The following MET variants were observed in gnomAD, a reference collection of about 807,000 sequenced individuals.
MET encodes the protein MET proto-oncogene, receptor tyrosine kinase, also known as hepatocyte growth factor receptor.
In MET, 48 loss-of-function variants were observed where a neutral mutation model predicts 133.1. The ratio of observed to expected loss-of-function variants is 0.36; its 90% CI spans 0.29 to 0.46. MET has a LOEUF of 0.46. MET is among the 20% of genes least tolerant of loss of function. The pLI, the probability that MET is intolerant of heterozygous loss-of-function variation, is 1.00. For synonymous variants in MET, 628 were observed against 616.5 expected (o/e 1.02, Z -0.28); for missense variants, 1,442 against 1,695.9 (o/e 0.85, Z 2.63).
At chr7:116,732,392 C>T (rs1793047521) in intron 3 of MET, among the ~76,000 whole-genome samples, 1 of 152,074 alleles carries the variant, frequency 6.6e-6, no homozygotes, top group Admixed American at 6.6e-5. Context: ...AAAAAAAATC[C>T]AGATTTTATT....
At chr7:116,730,671 G>A (rs552059644) in intron 2 of MET, among the ~76,000 whole-genome samples, 1 of 152,142 alleles carries the variant, frequency 6.6e-6, no homozygotes, top group Non-Finnish European at 1.5e-5. Context: ...CTGTATATGG[G>A]GGCGGAGGGA....
At chr7:116,761,461 G>T (rs1794395532) in intron 10 of MET, among the ~76,000 whole-genome samples, 1 of 151,928 alleles carries the variant, frequency 6.6e-6, no homozygotes, top group Non-Finnish European at 1.5e-5. Flanking sequence ...ATGATGAATT[G>T]AACCCATTTA....
chr7:116,676,996 T>TG (rs998700394), intron 1 of MET, among the ~76,000 whole-genome samples: 82 of 151,764 alleles, frequency 5.4e-4, no homozygotes, highest in African/African-American at 1.7e-3. Flanking sequence ...TTGTTTTTTT[T>TG]TTTGTTTTTT....
intron 1 of MET, among the ~76,000 whole-genome samples, chr7:116,679,228 G>T (rs777188029): frequency 5.3e-5 from 8 of 152,054 alleles, no homozygotes; most frequent in Non-Finnish European, 7.4e-5. Context: ...TCTTTCTTCT[G>T]CCCAGAAACT....
intron 19 of MET, among the ~76,000 whole-genome samples, chr7:116,791,702 T>C (rs1157886665): frequency 6.6e-6 from 1 of 152,224 alleles, no homozygotes; most frequent in Non-Finnish European, 1.5e-5. Context: ...TCTCACTCTG[T>C]CACCCAGCCT....
intron 2 of MET, among the ~76,000 whole-genome samples, chr7:116,721,869 T>C (rs1296586686): frequency 6.6e-6 from 1 of 152,242 alleles, no homozygotes; most frequent in Non-Finnish European, 1.5e-5. Context: ...ATAATCTCTG[T>C]TCTCTTACAT....
intron 7 of MET, 38 bp from the exon 8 acceptor site, chr7:116,757,600 G>T (rs1455734334): frequency 6.2e-7 from 1 of 1,613,492 alleles, no homozygotes; most frequent in Non-Finnish European, 8.5e-7. Context: ...ATTATAAGAT[G>T]AACAAGTTAC....
chr7:116,727,077 G>A (rs908639492), intron 2 of MET, among the ~76,000 whole-genome samples: 4 of 152,200 alleles, frequency 2.6e-5, no homozygotes, highest in African/African-American at 9.6e-5. Context: ...AGGTAGCAAG[G>A]AGAGCTAGGT....
At chr7:116,770,347 C>T (rs1185942285) in intron 12 of MET, among the ~76,000 whole-genome samples, 1 of 152,084 alleles carries the variant, frequency 6.6e-6, no homozygotes, top group Non-Finnish European at 1.5e-5. Flanking sequence ...ATGCAATTCA[C>T]CCATTGAAAG....
At chr7:116,778,989 A>C (rs373030124) in intron 17 of MET, 32 bp downstream of exon 17, 1 of 1,609,686 alleles carries the variant, frequency 6.2e-7, no homozygotes, top group African/African-American at 1.3e-5. Flanking sequence ...CTAACTGGCA[A>C]ACTAGCTGTA....
chr7:116,728,506 TC>T (rs1480558829), intron 2 of MET, among the ~76,000 whole-genome samples: 2 of 152,200 alleles, frequency 1.3e-5, no homozygotes, highest in East Asian at 3.9e-4. Flanking sequence ...TGTATTGCTC[TC>T]CCTCCATTTA....
intron 15 of MET, among the ~76,000 whole-genome samples, chr7:116,776,792 A>G (rs1269391733): frequency 6.6e-6 from 1 of 152,214 alleles, no homozygotes; most frequent in Non-Finnish European, 1.5e-5. Flanking sequence ...TTAAAGCCAG[A>G]GAGAACTGGA....
intron 5 of MET, 199 bp downstream of exon 5, chr7:116,741,224 G>A (rs985225244): frequency 1.1e-5 from 7 of 634,206 alleles, no homozygotes; most frequent in Non-Finnish European, 1.9e-5. Flanking sequence ...GGGCAGGGAG[G>A]GGGTGGTGTT....
chr7:116,696,132 G>A (rs1009644404), intron 1 of MET, among the ~76,000 whole-genome samples: 3 of 152,064 alleles, frequency 2.0e-5, no homozygotes, highest in Non-Finnish European at 4.4e-5. Context: ...GCCTCCCAAA[G>A]TGCTAGGATT....
intron 19 of MET, among the ~76,000 whole-genome samples, chr7:116,785,371 G>A (rs567312869): frequency 6.6e-6 from 1 of 152,310 alleles, no homozygotes; most frequent in East Asian, 1.9e-4. Context: ...AGGCAAAGCA[G>A]GAGCAGGCAT....
chr7:116,710,589 A>G (rs1791958661), intron 2 of MET, among the ~76,000 whole-genome samples: 1 of 152,150 alleles, frequency 6.6e-6, no homozygotes, highest in Non-Finnish European at 1.5e-5. Flanking sequence ...ACAGAAAAAC[A>G]TGTTGACCTC....
intron 1 of MET, among the ~76,000 whole-genome samples, chr7:116,687,061 T>C (rs1796588699): frequency 6.6e-6 from 1 of 152,222 alleles, no homozygotes; most frequent in South Asian, 2.1e-4. Flanking sequence ...AAGGTGGAGA[T>C]TCCCAGTCAA....
chr7:116,725,208 A>G (rs1792694523), intron 2 of MET, among the ~76,000 whole-genome samples: 1 of 152,170 alleles, frequency 6.6e-6, no homozygotes, highest in African/African-American at 2.4e-5. Flanking sequence ...CTTCATCTGT[A>G]AAATTATAAT....
rs1794108376 is a variant in MET, at chr7:116,754,991, A to AGAAAGAAAGAAAGAAAGAAG, written c.1702-345_1702-344insGGAAAGAAAGAAAGAAAGAA. On this transcript the variant is annotated intron_variant, in intron 5 of 20. Coordinates refer to ENST00000397752, the MANE Select transcript of MET (RefSeq NM_000245.4). ...GGAAGGAAGCAGAGAAAGGAAAGAA[A>AGAAAGAAAGAAAGAAAGAAG]GAAAGAAAGAAAGAAAGAAAGAAAG... is the stretch of plus-strand genomic sequence containing the variant. Among the ~76,000 whole-genome samples, 3 of 143,158 alleles carry AGAAAGAAAGAAAGAAAGAAG rather than the reference A, an allele frequency of 2.1e-5. No homozygotes were observed. In the Admixed American group the frequency reaches 2.2e-4, roughly 10 times the overall value. 93.9% of individuals were successfully genotyped at this position (143,158 alleles called of 152,430 possible). A position where few individuals can be genotyped will look rare whatever the true frequency, so the allele number is the denominator to read the frequency against.
Sources: gnomAD v4.1 joint callset for allele counts (sites outside exome capture counted in the v4.1 genomes callset) on GRCh38, gnomAD v4.1.1 for gene constraint, MANE v1.5 for transcripts, NCBI Gene and HGNC (gene_info 2026-07-23, HGNC 2026-07-21) for gene names.